Variants in RNF213 observed in about 807,000 individuals in gnomAD.
RNF213 encodes the protein ring finger protein 213, also known as E3 ubiquitin-protein ligase RNF213.
A neutral mutation model predicts 514.4 loss-of-function variants in RNF213; 341 were observed. The ratio of observed to expected loss-of-function variants is 0.66; its 90% CI spans 0.61 to 0.73. The LOEUF (loss-of-function observed/expected upper bound fraction) is 0.73, where lower values mean the gene tolerates loss of function less well. Ranked by LOEUF, RNF213 falls within the 30% of genes least tolerant of loss-of-function variation. RNF213 has a pLI of 0.00. For missense variants in RNF213, 5,767 were observed against 6,615.6 expected (o/e 0.87, Z 4.45); for synonymous variants, 2,655 against 2,658.2 (o/e 1.00, Z 0.04).
rs371458237 is a variant in RNF213, at chr17:80,348,036, T to G, written c.9701T>G (p.Ile3234Arg). ...TGCGCGTCTGTGGTGCTGCAGGTCATAGAGAGGCAGGGTCCCCGGGCCTTG... is the reference window on the plus strand; with the variant it reads ...TGCGCGTCTGTGGTGCTGCAGGTCAGAGAGAGGCAGGGTCCCCGGGCCTTG... ...DACASVVLQV[I>R]ERQGPRALTE... The change falls in exon 29 of 68, where the codon ATA becomes AGA. Residue 3234 changes from isoleucine to arginine, a missense_variant. By Grantham distance (97) the Ile-to-Arg change is moderately conservative (BLOSUM62 -3). Around this residue, in one of 13 missense-constraint regions of RNF213, gnomAD observed 919 missense variants for 1,121.0 expected, o/e 0.82. Coordinates refer to ENST00000582970, the MANE Select transcript of RNF213 (RefSeq NM_001256071.3). 19 of 1,614,060 alleles carry G rather than the reference T, an allele frequency of 1.2e-5. No individual in the cohort carries two copies. Among genetic ancestry groups the G allele is most frequent in the East Asian group, 4.5e-5 (2 of 44,878 alleles).
intron 3 of RNF213, among the ~76,000 whole-genome samples, chr17:80,282,500 G>A (rs900597575): frequency 3.9e-5 from 6 of 152,068 alleles, no homozygotes; most frequent in Non-Finnish European, 8.8e-5. Context: ...CCAGGTTCAC[G>A]CCATTCTCCT....
At chr17:80,375,272 G>T (rs2079701397) in intron 50 of RNF213, among the ~76,000 whole-genome samples, 1 of 152,254 alleles carries the variant, frequency 6.6e-6, no homozygotes, top group Non-Finnish European at 1.5e-5. Flanking sequence ...TTGCTCGCCA[G>T]AAGACTGCCC....
At position 80,351,734 on chromosome 17, in the gene RNF213, A is replaced by G; in HGVS notation, c.10234A>G (p.Ile3412Val). 1 of 1,612,962 alleles carries G rather than the reference A, an allele frequency of 6.2e-7. No homozygotes were observed. The highest frequency in any genetic ancestry group is 8.5e-7 in the Non-Finnish European group (1 of 1,179,016). ...CAAAATACGAGAAAATGAGGACCGT[A>G]TCTTCGTCTATTTCATCACAAAACT... The part of the protein sequence containing the change: ...INKIRENEDR[I>V]FVYFITKLSR... Residue 3412 changes from isoleucine to valine, a missense_variant, in exon 32 of 68, where the codon ATC becomes GTC. Ile to Val is a conservative substitution (Grantham distance 29). This residue lies in a region of RNF213 where 919 missense variants were observed against 1,121.0 expected (regional missense o/e 0.82). Coordinates refer to ENST00000582970, the MANE Select transcript of RNF213 (RefSeq NM_001256071.3).
intron 36 of RNF213, among the ~76,000 whole-genome samples, chr17:80,357,987 T>C (rs1340621914): frequency 6.6e-6 from 1 of 152,174 alleles, no homozygotes; most frequent in Non-Finnish European, 1.5e-5. Flanking sequence ...GACCCTCACA[T>C]ACATGTTTTA....
At position 80,340,265 on chromosome 17, in the gene RNF213, C is replaced by A; in HGVS notation, c.5898C>A (p.His1966Gln). The A allele has an allele frequency of 6.2e-7, 1 of 1,614,150 alleles. No homozygotes were observed. Among genetic ancestry groups the A allele is most frequent in the Non-Finnish European group, 8.5e-7 (1 of 1,180,032 alleles). Residue 1966 changes from histidine to glutamine, a missense_variant, in exon 26 of 68, where the codon CAC becomes CAA. His to Gln is a conservative substitution (Grantham distance 24, BLOSUM62 0). Coordinates refer to ENST00000582970, the MANE Select transcript of RNF213 (RefSeq NM_001256071.3). The part of the protein sequence containing the change: ...LEAIQAYLAG[H>Q]YRVPKQTLSA... The stretch of plus-strand genomic sequence containing the variant: ...CCATCCAAGCCTACCTGGCAGGTCA[C>A]TACCGGGTCCCGAAGCAGACCCTGT...
At chr17:80,299,062 A>G (rs2045075399) in intron 11 of RNF213, among the ~76,000 whole-genome samples, 1 of 152,190 alleles carries the variant, frequency 6.6e-6, no homozygotes, top group Non-Finnish European at 1.5e-5. Context: ...TGGCATACCT[A>G]TTTGTGGTTT....
intron 15 of RNF213, among the ~76,000 whole-genome samples, chr17:80,316,909 T>C (rs1341849192): frequency 1.3e-5 from 2 of 152,212 alleles, no homozygotes; most frequent in African/African-American, 4.8e-5. Context: ...TTTCAAAGTA[T>C]AACATGAGAG....
In RNF213 at chr17:80,368,154, C is replaced by G. The variant is rs2079355591; in HGVS notation, c.12155+11C>G. 5 of 1,613,864 alleles carry G rather than the reference C, an allele frequency of 3.1e-6. No individual in the cohort carries two copies. The highest frequency in any genetic ancestry group is 4.2e-6 in the Non-Finnish European group (5 of 1,179,686). Reference sequence around the variant, plus strand: ...TTCCCAAGCGCACAGGTACAACACCCTTTCTCTCAAGAAAGCATCCTTTTT... The same window carrying G: ...TTCCCAAGCGCACAGGTACAACACCGTTTCTCTCAAGAAAGCATCCTTTTT... On this transcript the variant is annotated intron_variant, in intron 44 of 67. Transcript: ENST00000582970.
chr17:80,364,145 A>C (rs532646235), intron 41 of RNF213, among the ~76,000 whole-genome samples: 2 of 152,244 alleles, frequency 1.3e-5, no homozygotes, highest in African/African-American at 4.8e-5. Flanking sequence ...CCACTTCCCT[A>C]AAGGTGAGGT....
intron 10 of RNF213, among the ~76,000 whole-genome samples, chr17:80,297,093 T>C (rs1384348594): frequency 6.6e-6 from 1 of 152,162 alleles, no homozygotes; most frequent in African/African-American, 2.4e-5. Context: ...TGAGGAATCA[T>C]TAATATCTTT....
At position 80,336,370 on chromosome 17, in the gene RNF213, A is replaced by G. The variant is rs772492254; in HGVS notation, c.4519A>G (p.Arg1507Gly). Residue 1507 changes from arginine to glycine, a missense_variant, in exon 23 of 68, where the codon AGG becomes GGG. By Grantham distance (125) the Arg-to-Gly change is moderately radical. Coordinates refer to ENST00000582970, the MANE Select transcript of RNF213 (RefSeq NM_001256071.3). ...KALDKDQYLP[R>G]KLCDSARNLE... The stretch of plus-strand genomic sequence containing the variant: ...TCTGGATAAGGACCAGTACCTGCCC[A>G]GGAAACTGGTGAGTCTTATTCTGTC... 6.5e-7 allele frequency: 1 copy of G among 1,537,150 alleles called. No individual in the cohort carries two copies.
At position 80,375,400 on chromosome 17, in the gene RNF213, C is replaced by G. The variant is rs563157428; in HGVS notation, c.13075-360C>G. Among the ~76,000 whole-genome samples the G allele has an allele frequency of 4.6e-5, 7 of 152,164 alleles. No individual in the cohort carries two copies. In the East Asian group the frequency reaches 1.4e-3, roughly 29 times the overall value. The stretch of plus-strand genomic sequence containing the variant: ...CATGCAAACTTCGTGGGCCTCTGGC[C>G]CTTAGGTAGATCTGGCAGGCAGCGG... On this transcript the variant is annotated intron_variant, in intron 50 of 67. Coordinates refer to ENST00000582970, the MANE Select transcript of RNF213 (RefSeq NM_001256071.3).
At chr17:80,342,489 T>A (rs1033226057) in intron 26 of RNF213, among the ~76,000 whole-genome samples, 5 of 151,820 alleles carry the variant, frequency 3.3e-5, no homozygotes, top group Admixed American at 6.6e-5. Context: ...TTCTAGTGGA[T>A]CTTTATAGAT....
At chr17:80,368,747 T>C (rs1339786980) in intron 44 of RNF213, among the ~76,000 whole-genome samples, 1 of 152,192 alleles carries the variant, frequency 6.6e-6, no homozygotes, top group African/African-American at 2.4e-5. Context: ...CCACTGGTTT[T>C]AATGCATCAG....
intron 54 of RNF213, among the ~76,000 whole-genome samples, chr17:80,378,096 C>T (rs933279902): frequency 1.3e-5 from 2 of 152,174 alleles, no homozygotes; most frequent in Non-Finnish European, 2.9e-5. Context: ...CCCACTCCTC[C>T]CAGTGTGACA....
Position 80,372,959 on chromosome 17 carries a change from C to G in RNF213, c.12752-16C>G. 6.2e-7 allele frequency: 1 copy of G among 1,611,974 alleles called. No homozygotes were observed. Among genetic ancestry groups the G allele is most frequent in the Non-Finnish European group, 8.5e-7 (1 of 1,179,136 alleles). On this transcript the variant is annotated splice_polypyrimidine_tract_variant and intron_variant, in intron 48 of 67. Transcript: ENST00000582970. ...AAGTCACCAGCCACTCACCCGCTTT[C>G]TCGTTGGCCTCTCAGAGATGGCCAA...
At chr17:80,386,530 C>A in intron 62 of RNF213, 100 bp downstream of exon 62, 1 of 1,447,868 alleles carries the variant, frequency 6.9e-7, no homozygotes, top group Non-Finnish European at 9.6e-7. Flanking sequence ...CCCTAACAGA[C>A]ACTCACTCCT....
intron 8 of RNF213, among the ~76,000 whole-genome samples, chr17:80,292,829 G>A (rs1001336208): frequency 6.6e-6 from 1 of 152,076 alleles, no homozygotes; most frequent in Non-Finnish European, 1.5e-5. Context: ...TGAAACTCAA[G>A]GAAGTGAGCT....
At chr17:80,323,541 T>TC (rs1052944127) in intron 17 of RNF213, among the ~76,000 whole-genome samples, 4 of 151,886 alleles carry the variant, frequency 2.6e-5, no homozygotes, top group African/African-American at 9.7e-5. Flanking sequence ...TTTTTTTTTT[T>TC]CCCCTGTTAG....
Sources: allele counts gnomAD v4.1 joint callset (sites outside exome capture counted in the v4.1 genomes callset), GRCh38; gene constraint gnomAD v4.1.1; regional missense constraint gnomAD v4.1.1; transcripts MANE v1.5; gene names NCBI Gene and HGNC (gene_info 2026-07-23, HGNC 2026-07-21).